RBFOX1: variants seen among roughly 807,000 people sequenced by gnomAD.
RBFOX1 encodes RNA binding fox-1 homolog 1.
RBFOX1 carries 8 observed loss-of-function variants against 57.7 expected under a neutral mutation model. That is an observed-to-expected ratio of 0.14 (90% confidence interval 0.08 to 0.25). RBFOX1 has a LOEUF of 0.25. Among genes scored for constraint, RBFOX1 ranks in the 10% least tolerant of loss-of-function variants. The pLI is 1.00. For synonymous variants in RBFOX1, 326 were observed against 222.4 expected (o/e 1.47, Z -4.15); for missense variants, 611 against 548.5 (o/e 1.11, Z -1.14).
intron 2 of RBFOX1, among the ~76,000 whole-genome samples, chr16:6,443,694 C>T (rs1420804870): frequency 6.6e-6 from 1 of 152,114 alleles, no homozygotes; most frequent in African/African-American, 2.4e-5. Flanking sequence ...GAGAAAAATG[C>T]TCTTTCATTT....
chr16:7,517,496 G>A (rs915287069), intron 4 of RBFOX1, among the ~76,000 whole-genome samples: 15 of 151,700 alleles, frequency 9.9e-5, no homozygotes, highest in East Asian at 3.9e-4. Flanking sequence ...CCCTGAATTT[G>A]TATCAGCTGC....
chr16:6,012,074 C>T (rs571225797), intron 4 of RBFOX1, among the ~76,000 whole-genome samples: 138 of 152,280 alleles, frequency 9.1e-4, no homozygotes, highest in South Asian at 7.7e-3. Context: ...AGAAATTTCT[C>T]GTGGATTCTG....
intron 1 of RBFOX1, among the ~76,000 whole-genome samples, chr16:6,225,388 G>A (rs1354619134): frequency 6.6e-6 from 1 of 152,068 alleles, no homozygotes; most frequent in Non-Finnish European, 1.5e-5. Context: ...AGAGAACTTG[G>A]TTATGAAGCC....
At chr16:5,266,523 G>C (rs1344451786) in intron 1 of RBFOX1, among the ~76,000 whole-genome samples, 2 of 150,868 alleles carry the variant, frequency 1.3e-5, no homozygotes, top group South Asian at 2.1e-4. Flanking sequence ...TCTTGAACTG[G>C]GTGTTGGTAA....
At chr16:7,111,517 A>G (rs1238216666) in intron 4 of RBFOX1, among the ~76,000 whole-genome samples, 2 of 152,138 alleles carry the variant, frequency 1.3e-5, no homozygotes, top group Non-Finnish European at 2.9e-5. Context: ...TGTTGGGGGA[A>G]GGGTGGTGAG....
At chr16:7,627,121 C>G (rs1357533085) in intron 10 of RBFOX1, among the ~76,000 whole-genome samples, 2 of 121,150 alleles carry the variant, frequency 1.7e-5, no homozygotes, top group Non-Finnish European at 3.3e-5. Flanking sequence ...GCCCCTCCGC[C>G]TCCTTTTTTT....
chr16:5,410,166 C>T (rs1335843484), intron 1 of RBFOX1, among the ~76,000 whole-genome samples: 1 of 151,676 alleles, frequency 6.6e-6, no homozygotes, highest in Non-Finnish European at 1.5e-5. Flanking sequence ...GAGTTCGAGA[C>T]CAGCCTGGGC....
At chr16:6,469,430 G>C (rs1004989600) in intron 2 of RBFOX1, among the ~76,000 whole-genome samples, 4 of 152,082 alleles carry the variant, frequency 2.6e-5, no homozygotes, top group South Asian at 2.1e-4. Flanking sequence ...GTCTGAGCTG[G>C]ATTTCCTTCG....
chr16:6,000,842 T>G (rs1567240517), intron 4 of RBFOX1, among the ~76,000 whole-genome samples: 2 of 122,594 alleles, frequency 1.6e-5, no homozygotes, highest in Non-Finnish European at 3.3e-5. Context: ...GATGGGTGGG[T>G]AGGTGGGTGG....
chr16:6,047,328 G>A (rs1399106295), intron 1 of RBFOX1, among the ~76,000 whole-genome samples: 2 of 152,226 alleles, frequency 1.3e-5, no homozygotes, highest in Non-Finnish European at 2.9e-5. Context: ...TTCCTGGGCA[G>A]GATGCCGTGC....
At chr16:5,255,362 A>C (rs201330953) in intron 1 of RBFOX1, among the ~76,000 whole-genome samples, 2,968 of 107,688 alleles carry the variant, frequency 0.028, 94 homozygotes, top group African/African-American at 0.095. Context: ...CCCTCCATCC[A>C]TCCATCCATC....
At chr16:7,047,716 C>CTTTTTTTTTTTT (rs55636828) in intron 3 of RBFOX1, among the ~76,000 whole-genome samples, 6 of 47,938 alleles carry the variant, frequency 1.3e-4, no homozygotes, top group Non-Finnish European at 1.9e-4. Context: ...TCCTGCATTT[C>CTTTTTTTTTTTT]TTTTTTTTTT....
chr16:7,519,820 C>A, intron 5 of RBFOX1: 1 of 714,144 alleles, frequency 1.4e-6, no homozygotes, highest in Non-Finnish European at 1.7e-6. Flanking sequence ...TAAAAGAAAA[C>A]ACTGACTAAC....
intron 3 of RBFOX1, among the ~76,000 whole-genome samples, chr16:6,877,003 T>C (rs1382275886): frequency 6.6e-6 from 1 of 152,182 alleles, no homozygotes; most frequent in African/African-American, 2.4e-5. Context: ...GAGCAACAAA[T>C]GCATACTATA....
intron 4 of RBFOX1, among the ~76,000 whole-genome samples, chr16:7,139,914 G>A (rs1489234989): frequency 1.3e-5 from 2 of 152,080 alleles, no homozygotes; most frequent in Non-Finnish European, 2.9e-5. Flanking sequence ...TGTGGAGGAG[G>A]AAGAAGGTAA....
chr16:7,201,813 G>T (rs533977723), intron 4 of RBFOX1, among the ~76,000 whole-genome samples: 18 of 152,210 alleles, frequency 1.2e-4, no homozygotes, highest in Middle Eastern at 6.8e-3. Flanking sequence ...GAATGGGCAC[G>T]GCAAGCGTGA....
intron 5 of RBFOX1, among the ~76,000 whole-genome samples, chr16:7,522,606 C>G (rs189196194): frequency 6.6e-6 from 1 of 152,094 alleles, no homozygotes; most frequent in Non-Finnish European, 1.5e-5. Context: ...GAGATTGCAT[C>G]TGAGAAGCAA....
chr16:6,937,138 C>T (rs1279405447), intron 3 of RBFOX1, among the ~76,000 whole-genome samples: 2 of 151,984 alleles, frequency 1.3e-5, no homozygotes, highest in Admixed American at 1.3e-4. Context: ...GTAATTTTAC[C>T]TTTAAAATGT....
chr16:6,718,531 GCAGCAT>G (rs1568339481), intron 3 of RBFOX1, among the ~76,000 whole-genome samples: 1 of 152,218 alleles, frequency 6.6e-6, no homozygotes, highest in African/African-American at 2.4e-5. Flanking sequence ...CTTTAAGGAG[GCAGCAT>G]TTTCGTGGAG....
Sources: allele counts gnomAD v4.1 joint callset (sites outside exome capture counted in the v4.1 genomes callset), GRCh38; gene constraint gnomAD v4.1.1; transcripts MANE v1.5; gene names NCBI Gene and HGNC (gene_info 2026-07-23, HGNC 2026-07-21).